TAMM41: variants seen among roughly 807,000 people sequenced by gnomAD.
TAMM41 encodes the protein phosphatidate cytidylyltransferase, mitochondrial.
Under a neutral mutation model 44.1 loss-of-function variants are expected in TAMM41, and 36 were observed. The observed-to-expected ratio is 0.82, with a 90% confidence interval of 0.63 to 1.08. The LOEUF is 1.08. Among genes scored for constraint, TAMM41 ranks in the 50% least tolerant of loss-of-function variants. The pLI is 0.00. For missense variants in TAMM41, 417 were observed against 404.3 expected (o/e 1.03, Z -0.27); for synonymous variants, 164 against 153.1 (o/e 1.07, Z -0.53).
chr3:11,740,825 C>T, the TAMM41 span, among the ~76,000 whole-genome samples: 2 of 116,894 alleles, frequency 1.7e-5, no homozygotes, highest in Non-Finnish European at 3.5e-5. Context: ...CTTGGCCTTC[C>T]AAAGTGCTGG....
At chr3:11,737,247 C>T in the TAMM41 span, among the ~76,000 whole-genome samples, 1 of 139,164 alleles carries the variant, frequency 7.2e-6, no homozygotes, top group African/African-American at 2.6e-5. Context: ...CCCCCACCTG[C>T]CCCCCGCATT....
intron 7 of TAMM41, among the ~76,000 whole-genome samples, chr3:11,798,113 G>T (rs1482356562): frequency 1.3e-5 from 2 of 152,102 alleles, no homozygotes; most frequent in Non-Finnish European, 2.9e-5. Flanking sequence ...CCTAAAAAGA[G>T]AACTGCCATT....
intron 4 of TAMM41, among the ~76,000 whole-genome samples, chr3:11,822,652 G>T (rs2078569658): frequency 6.6e-6 from 1 of 152,170 alleles, no homozygotes; most frequent in African/African-American, 2.4e-5. Flanking sequence ...ACACTATCTG[G>T]AGTTATTTTT....
chr3:11,800,183 G>A (rs2124931570), intron 7 of TAMM41, among the ~76,000 whole-genome samples: 1 of 152,034 alleles, frequency 6.6e-6, no homozygotes, highest in South Asian at 2.1e-4. Flanking sequence ...TCTCACAAAA[G>A]AGGAAAAGAA....
At chr3:11,827,641 A>G (rs1281527897) in intron 4 of TAMM41, among the ~76,000 whole-genome samples, 1 of 150,960 alleles carries the variant, frequency 6.6e-6, no homozygotes, top group Non-Finnish European at 1.5e-5. Flanking sequence ...AAGAGGAAAA[A>G]AAAAAAAAAA....
chr3:11,772,176 T>C, the TAMM41 span, among the ~76,000 whole-genome samples: 1 of 151,976 alleles, frequency 6.6e-6, no homozygotes, highest in African/African-American at 2.4e-5. Context: ...GTTCATGCCA[T>C]TCTCCTGCCT....
the TAMM41 span, among the ~76,000 whole-genome samples, chr3:11,729,567 T>TTTTTTTC: frequency 1.1e-5 from 1 of 92,756 alleles, no homozygotes; most frequent in Non-Finnish European, 2.1e-5. Flanking sequence ...TTTTTTTTTT[T>TTTTTTTC]TTTTTTTTTA....
At chr3:11,835,850 C>T (rs1404122687) in intron 3 of TAMM41, among the ~76,000 whole-genome samples, 2 of 152,082 alleles carry the variant, frequency 1.3e-5, no homozygotes, top group Non-Finnish European at 2.9e-5. Context: ...GAAAACACCC[C>T]GAGGCTTAGG....
At chr3:11,758,894 G>T in the TAMM41 span, among the ~76,000 whole-genome samples, 2 of 149,470 alleles carry the variant, frequency 1.3e-5, no homozygotes, top group African/African-American at 4.9e-5. Context: ...GGCTGGTCTT[G>T]AACTCCTGAC....
At chr3:11,827,177 T>A (rs997655651) in intron 4 of TAMM41, among the ~76,000 whole-genome samples, 1 of 152,234 alleles carries the variant, frequency 6.6e-6, no homozygotes, top group Non-Finnish European at 1.5e-5. Flanking sequence ...TTAGTCATTT[T>A]AATAGTTGTA....
chr3:11,837,655 T>C (rs1398842209), intron 3 of TAMM41, among the ~76,000 whole-genome samples: 1 of 152,116 alleles, frequency 6.6e-6, no homozygotes, highest in Non-Finnish European at 1.5e-5. Context: ...GACTACTTGG[T>C]GCATTCATTT....
In TAMM41 at chr3:11,809,685, GAAGGGAGGAAAA is replaced by G. The variant is rs1559281920; in HGVS notation, c.709-15_709-4del. 1 of 1,594,224 alleles carries G rather than the reference GAAGGGAGGAAAA, an allele frequency of 6.3e-7. No homozygotes were observed. Among genetic ancestry groups the G allele is most frequent in the Admixed American group, 1.9e-5 (1 of 52,682 alleles). On this transcript the variant is annotated splice_region_variant and splice_polypyrimidine_tract_variant and intron_variant, in intron 5 of 7. Coordinates refer to ENST00000455809, the MANE Select transcript of TAMM41 (RefSeq NM_001284401.2). ...TGTCCTTCTGGGCTTTTATCTATCT[GAAGGGAGGAAAA>G]AAAAGACGACGTCTATGGAAGTGCT...
intron 7 of TAMM41, chr3:11,807,128 G>A: frequency 1.0e-6 from 1 of 966,250 alleles, no homozygotes; most frequent in African/African-American, 1.8e-5. Context: ...TGAAAGACAT[G>A]AGATACAGTA....
chr3:11,817,492 C>A (rs947536083), intron 4 of TAMM41, among the ~76,000 whole-genome samples, 155 bp from the exon 5 acceptor site: 1 of 152,156 alleles, frequency 6.6e-6, no homozygotes, highest in South Asian at 2.1e-4. Context: ...GACACTTTAC[C>A]CCAAGAAATG....
At chr3:11,805,602 C>T (rs2077885354) in intron 7 of TAMM41, among the ~76,000 whole-genome samples, 1 of 152,080 alleles carries the variant, frequency 6.6e-6, no homozygotes, top group African/African-American at 2.4e-5. Context: ...TTCAGGAGGG[C>T]AACACGGTCC....
chr3:11,805,905 G>A (rs1004555938), intron 7 of TAMM41, among the ~76,000 whole-genome samples: 4 of 152,282 alleles, frequency 2.6e-5, no homozygotes, highest in African/African-American at 7.2e-5. Context: ...TCCCCACGTC[G>A]TGGGAGGGAC....
chr3:11,839,116 C>T (rs775653563), intron 3 of TAMM41, 106 bp downstream of exon 3: 36 of 653,602 alleles, frequency 5.5e-5, no homozygotes, highest in Admixed American at 2.9e-4. Context: ...GTCAGAAACT[C>T]ATTTCTATTT....
At position 11,846,813 on chromosome 3, in the gene TAMM41, C is replaced by G. The variant is rs2079724581; in HGVS notation, c.-177G>C. The G allele has an allele frequency of 1.3e-6, 1 of 762,552 alleles. No homozygotes were observed. The highest frequency in any genetic ancestry group is 2.1e-6 in the Non-Finnish European group (1 of 483,434). 47.2% of individuals were successfully genotyped at this position (762,552 alleles called of 1,614,324 possible). ...ACGCAAGGATTGGGGCGTTGGGCCA[C>G]GAAGAGCAGCGGCGAGAAGACGCAG... is the stretch of plus-strand genomic sequence containing the variant. On this transcript the variant is annotated 5_prime_UTR_variant, in exon 1 of 8. Transcript: ENST00000455809.
chr3:11,818,526 T>C (rs1391535939), intron 4 of TAMM41, among the ~76,000 whole-genome samples: 2 of 152,116 alleles, frequency 1.3e-5, no homozygotes, highest in African/African-American at 4.8e-5. Flanking sequence ...GAATAAAATA[T>C]GCTAGGTTTT....
Sources: gnomAD v4.1 joint callset for allele counts (sites outside exome capture counted in the v4.1 genomes callset) on GRCh38, gnomAD v4.1.1 for gene constraint, MANE v1.5 for transcripts, NCBI Gene and HGNC (gene_info 2026-07-23, HGNC 2026-07-21) for gene names.